The following EXOSC10 variants were observed in gnomAD, a reference collection of about 807,000 sequenced individuals.
EXOSC10 encodes the protein exosome component 10.
A neutral mutation model predicts 126.6 loss-of-function variants in EXOSC10; 94 were observed. That is an observed-to-expected ratio of 0.74 (90% CI 0.63 to 0.88). The LOEUF is 0.88. EXOSC10 is among the 40% of genes least tolerant of loss of function. EXOSC10 has a pLI of 0.00. For missense variants in EXOSC10, 1,041 were observed against 1,100.5 expected (o/e 0.95, Z 0.77); for synonymous variants, 395 against 400.8 (o/e 0.99, Z 0.17).
chr1:11,084,083 A>C (rs904233330), intron 9 of EXOSC10, among the ~76,000 whole-genome samples: 8 of 152,206 alleles, frequency 5.3e-5, no homozygotes, highest in Admixed American at 2.0e-4. Flanking sequence ...TGCCGCAATA[A>C]ACATATGTGT....
At chr1:11,087,641 G>A (rs944352349) in intron 8 of EXOSC10, 50 bp from the exon 9 acceptor site, 2 of 1,597,440 alleles carry the variant, frequency 1.3e-6, no homozygotes, top group Non-Finnish European at 1.7e-6. Context: ...GATTATATTA[G>A]ACTTTCCTTT....
In EXOSC10 at chr1:11,088,193, G is replaced by A; in HGVS notation, c.764C>T (p.Ala255Val). 6.2e-7 allele frequency: 1 copy of A among 1,604,640 alleles called. No homozygotes were observed. The highest frequency in any genetic ancestry group is 1.7e-5 in the Admixed American group (1 of 57,562). The change falls in exon 7 of 25, where the codon GCA becomes GTA. Residue 255 changes from alanine (A) to valine (V), a missense_variant. Physicochemically the swap from Ala to Val is moderately conservative, Grantham distance 64. Transcript: ENST00000376936. ...RTQQVEQDMF[A>V]HPYQYELNHF... is the part of the protein sequence containing the mutation. ...ATTTAGTTCATATTGATAAGGATGT[G>A]CAAACCTGAGTAAATAAAACAAAAA...
intron 2 of EXOSC10, among the ~76,000 whole-genome samples, chr1:11,096,548 C>G (rs1173185003): frequency 6.7e-6 from 1 of 149,052 alleles, no homozygotes; most frequent in Non-Finnish European, 1.5e-5. Flanking sequence ...ACAATCACAG[C>G]TCCCTGTAGC....
chr1:11,069,997 C>T (rs560761617), intron 21 of EXOSC10, among the ~76,000 whole-genome samples: 5 of 152,104 alleles, frequency 3.3e-5, no homozygotes, highest in Admixed American at 2.0e-4. Flanking sequence ...GTGCTTTGGG[C>T]GGCCTAGGTG....
At position 11,067,917 on chromosome 1, in the gene EXOSC10, T is replaced by C. The variant is rs146632074; in HGVS notation, c.2627+91A>G. 577 of 1,119,140 alleles carry C rather than the reference T, an allele frequency of 5.2e-4. 1 individual carries two copies. The African/African-American group carries it at 8.3e-3, about 16-fold the overall frequency. 69.3% of individuals were successfully genotyped at this position (1,119,140 alleles called of 1,614,324 possible). On this transcript the variant is annotated intron_variant, in intron 24 of 24. Transcript: ENST00000376936. ...ATCCTGGTTGAAGACCCCTGGACAC[T>C]CGCTCCCCAGCTACTCCCCACGGAC...
chr1:11,072,114 C>T lies in EXOSC10; in HGVS notation c.2215G>A (p.Val739Ile), dbSNP rs541953781. 1.2e-6 allele frequency: 2 copies of T among 1,613,938 alleles called. No homozygotes were observed. Among genetic ancestry groups the T allele is most frequent in the South Asian group, 2.2e-5 (2 of 91,030 alleles). Reference protein sequence around the residue: ...VQVQKDSKEAVKKKAAEQTAA... With the variant: ...VQVQKDSKEAIKKKAAEQTAA... The stretch of plus-strand genomic sequence containing the variant: ...GTTTGCTCAGCTGCCTTCTTCTTGA[C>T]AGCTTCTTTAGAGTCTTTTTGTACT... The change falls in exon 20 of 25, where the codon GTC (valine) becomes ATC (isoleucine). Residue 739 changes from valine to isoleucine, a missense_variant. Transcript: ENST00000376936.
rs1420676943 is a variant in EXOSC10, at chr1:11,091,153, T to A, written c.504A>T (p.Lys168Asn). 6 of 1,613,990 alleles carry A rather than the reference T, an allele frequency of 3.7e-6. No individual in the cohort carries two copies. In the East Asian group the frequency reaches 1.3e-4, roughly 36 times the overall value. The stretch of plus-strand genomic sequence containing the variant: ...CATGAAGCAGCCGGAAAGTTTCAGA[T>A]TTTGCTTTTTTGCCATATTCTGCTG... ...RKAAEYGKKA[K>N]SETFRLLHAK... is the part of the protein sequence containing the mutation. The change falls in exon 5 of 25, where the codon AAA (lysine) becomes AAT (asparagine). Residue 168 changes from lysine to asparagine, a missense_variant. By Grantham distance (94) the Lys-to-Asn change is moderately conservative (BLOSUM62 0). Around this residue, in one of 3 missense-constraint regions of EXOSC10, gnomAD observed 645 missense variants for 656.3 expected, o/e 0.98. Transcript: ENST00000376936.
At chr1:11,099,019 G>A (rs775565677) in intron 1 of EXOSC10, among the ~76,000 whole-genome samples, 28 of 152,176 alleles carry the variant, frequency 1.8e-4, no homozygotes, top group Non-Finnish European at 3.5e-4. Flanking sequence ...CCATGTTAAT[G>A]AATCAATAGC....
In EXOSC10 at chr1:11,074,010, TGGA is replaced by T. The variant is rs990813609; in HGVS notation, c.2083-5_2083-3del. On this transcript the variant is annotated splice_region_variant and splice_polypyrimidine_tract_variant and intron_variant, in intron 18 of 24. Transcript: ENST00000376936. ...ACGGTGTCCCAGTGAGGGCAGAAAC[TGGA>T]GGAAGGAAATGGCTGTGTGAAACGC... The T allele has an allele frequency of 6.2e-7, 1 of 1,613,236 alleles. No homozygotes were observed. Among genetic ancestry groups the T allele is most frequent in the African/African-American group, 1.3e-5 (1 of 74,832 alleles).
intron 3 of EXOSC10, among the ~76,000 whole-genome samples, chr1:11,093,386 GCACTA>G (rs1640903228): frequency 6.6e-6 from 1 of 152,180 alleles, no homozygotes. Flanking sequence ...ATCAGCTTGG[GCACTA>G]CTAACAGAGG....
chr1:11,068,718 G>A lies in EXOSC10; in HGVS notation c.2489-12C>T. On this transcript the variant is annotated splice_polypyrimidine_tract_variant and intron_variant, in intron 22 of 24. Coordinates refer to ENST00000376936, the MANE Select transcript of EXOSC10 (RefSeq NM_001001998.3). ...GGATTTGCTGTTTCCTGAAAGGTAA[G>A]AGATGAGAGAGACCTGCGGTCAGGT... is the stretch of plus-strand genomic sequence containing the variant. The A allele has an allele frequency of 6.2e-7, 1 of 1,611,664 alleles. No homozygotes were observed. Among genetic ancestry groups the A allele is most frequent in the African/African-American group, 1.3e-5 (1 of 75,026 alleles).
At position 11,099,844 on chromosome 1, in the gene EXOSC10, CA is replaced by C. The variant is rs544323542; in HGVS notation, c.-14del. ...TGGGTGGCGCCATTTTTTCAGCCTG[CA>C]CGGCTCGTCTCGCGAGAGCTTGTCG... On this transcript the variant is annotated 5_prime_UTR_variant, in exon 1 of 25. Transcript: ENST00000376936. 956 of 1,592,374 alleles carry C rather than the reference CA, an allele frequency of 6.0e-4. 1 individual carries two copies. Among genetic ancestry groups the C allele is most frequent in the Admixed American group, 2.0e-3 (112 of 56,324 alleles).
chr1:11,079,063 G>A (rs564269165), intron 14 of EXOSC10, among the ~76,000 whole-genome samples: 1 of 152,236 alleles, frequency 6.6e-6, no homozygotes, highest in African/African-American at 2.4e-5. Flanking sequence ...GGGCATGATG[G>A]CTCACGCCTG....
chr1:11,098,261 C>T, intron 1 of EXOSC10, 105 bp from the exon 2 acceptor site: 1 of 1,352,194 alleles, frequency 7.4e-7, no homozygotes, highest in South Asian at 1.6e-5. Context: ...CTTCATCCAT[C>T]AAAAAAAGCA....
At chr1:11,092,886 A>G (rs1430603428) in intron 3 of EXOSC10, among the ~76,000 whole-genome samples, 2 of 152,186 alleles carry the variant, frequency 1.3e-5, no homozygotes, top group Non-Finnish European at 2.9e-5. Flanking sequence ...AATATTCAAC[A>G]CTGTATTATA....
Position 11,072,188 on chromosome 1 carries a change from T to C in EXOSC10, c.2158-17A>G, listed in dbSNP as rs762089536. The C allele has an allele frequency of 1.9e-5, 30 of 1,590,716 alleles. No homozygotes were observed. The highest frequency in any genetic ancestry group is 2.3e-5 in the Non-Finnish European group (27 of 1,167,072). On this transcript the variant is annotated splice_polypyrimidine_tract_variant and intron_variant, in intron 19 of 24. Transcript: ENST00000376936. ...GTTGCTGATCTATAATGAAAGCAAA[T>C]ATAACAAAAAAAACCCTCCAAAGTC...
At chr1:11,081,787 A>T (rs1640180202) in intron 10 of EXOSC10, among the ~76,000 whole-genome samples, 1 of 152,184 alleles carries the variant, frequency 6.6e-6, no homozygotes. Flanking sequence ...ATATTTAGAA[A>T]TTCTGGCATT....
chr1:11,090,434 G>C (rs945907651), intron 6 of EXOSC10, 120 bp downstream of exon 6: 26 of 802,278 alleles, frequency 3.2e-5, no homozygotes, highest in Non-Finnish European at 5.3e-5. Flanking sequence ...GCCCAGGTTG[G>C]GGTGTAAGGA....
chr1:11,094,248 G>T (rs188902971), intron 3 of EXOSC10, among the ~76,000 whole-genome samples: 26 of 150,824 alleles, frequency 1.7e-4, no homozygotes, highest in Non-Finnish European at 2.5e-4. Context: ...ACAGTGCTAG[G>T]ATTACAGGAG....
Sources: gnomAD v4.1 joint callset for allele counts (sites outside exome capture counted in the v4.1 genomes callset) on GRCh38, gnomAD v4.1.1 for gene constraint, gnomAD v4.1.1 regional missense constraint, MANE v1.5 for transcripts, NCBI Gene and HGNC (gene_info 2026-07-23, HGNC 2026-07-21) for gene names.